Variants in ADAMTSL3 observed in about 807,000 individuals in gnomAD.
ADAMTSL3 encodes the protein ADAMTS-like protein 3.
In ADAMTSL3, 128 loss-of-function variants were observed where a neutral mutation model predicts 201.7. The observed-to-expected ratio is 0.63, with a 90% CI of 0.55 to 0.73. The LOEUF is 0.73. Ranked by LOEUF, ADAMTSL3 falls within the 30% of genes least tolerant of loss-of-function variation. The probability of loss-of-function intolerance (pLI) is 0.00; values close to 1 mark genes in which losing one functional copy is unlikely to be tolerated. For synonymous variants in ADAMTSL3, 738 were observed against 748.4 expected, an observed-to-expected ratio of 0.99 and a Z score of 0.23; for missense variants, 1,990 against 2,119.6, an observed-to-expected ratio of 0.94 and a Z score of 1.20.
Position 83,906,618 on chromosome 15 carries a change from CACACCA to C in ADAMTSL3, c.1701-6473_1701-6468del, listed in dbSNP as rs1567227915. ...GTATCTATATATTTATATAGTGCCA[CACACCA>C]CACACACACACACACACACACACAC... On this transcript the variant is annotated intron_variant, in intron 15 of 29. Transcript: ENST00000286744. Among the ~76,000 whole-genome samples the C allele has an allele frequency of 7.8e-4, 20 of 25,616 alleles. 1 individual carries two copies. In the East Asian group the frequency reaches 0.027, roughly 35 times the overall value. The allele number at this position is 25,616 out of a possible 152,430, so 16.8% of individuals were successfully genotyped here.
chr15:83,917,711 A>G (rs8024628), intron 16 of ADAMTSL3, among the ~76,000 whole-genome samples: 94,779 of 151,382 alleles, frequency 0.63, 30,721 homozygotes, highest in African/African-American at 0.79. Flanking sequence ...GAGTATATAT[A>G]TGGACATTTG....
intron 4 of ADAMTSL3, among the ~76,000 whole-genome samples, chr15:83,792,124 C>T (rs1275766965): frequency 1.2e-4 from 19 of 152,056 alleles, no homozygotes; most frequent in Admixed American, 1.1e-3. Flanking sequence ...TATGCATCTG[C>T]CATGGGGTTA....
chr15:83,871,655 T>C lies in ADAMTSL3; in HGVS notation c.960+696T>C, dbSNP rs139451186. Among the ~76,000 whole-genome samples, 527 of 152,314 alleles carry C rather than the reference T, an allele frequency of 3.5e-3. 3 individuals carry two copies. The highest frequency in any genetic ancestry group is 0.012 in the African/African-American group (499 of 41,580). On this transcript the variant is annotated intron_variant, in intron 9 of 29. Coordinates refer to ENST00000286744, the MANE Select transcript of ADAMTSL3 (RefSeq NM_207517.3). ...GAAGAACTCTTCTTCTCTGGAACCATGAGCCTGTGTCCCCTCTCTGGATAC... is the reference window on the plus strand; with the variant it reads ...GAAGAACTCTTCTTCTCTGGAACCACGAGCCTGTGTCCCCTCTCTGGATAC...
chr15:83,804,803 G>T, intron 5 of ADAMTSL3, 108 bp downstream of exon 5: 1 of 752,756 alleles, frequency 1.3e-6, no homozygotes. Flanking sequence ...ACCCTTTGTG[G>T]AAAACTTAAG....
chr15:83,841,791 C>G (rs2064380616), intron 7 of ADAMTSL3, among the ~76,000 whole-genome samples: 1 of 151,852 alleles, frequency 6.6e-6, no homozygotes, highest in Non-Finnish European at 1.5e-5. Context: ...TTGCATTTTC[C>G]AAGGCCACTC....
chr15:83,940,013 T>C (rs2066527442), intron 17 of ADAMTSL3, among the ~76,000 whole-genome samples: 1 of 152,230 alleles, frequency 6.6e-6, no homozygotes, highest in Non-Finnish European at 1.5e-5. Flanking sequence ...ATGTAATTGC[T>C]ATTCTTTTTT....
chr15:83,971,451 A>C (rs1008553958), intron 20 of ADAMTSL3, among the ~76,000 whole-genome samples: 3 of 150,244 alleles, frequency 2.0e-5, no homozygotes, highest in East Asian at 2.0e-4. Context: ...CAGCTACTCG[A>C]GAGGCTGAGG....
In ADAMTSL3 at chr15:83,923,911, A is replaced by G. The variant is rs1463557235; in HGVS notation, c.1995A>G (p.Gln665=). 3 of 1,613,802 alleles carry G rather than the reference A, an allele frequency of 1.9e-6. No homozygotes were observed. The highest frequency in any genetic ancestry group is 1.7e-6 in the Non-Finnish European group (2 of 1,179,932). The change falls in exon 17 of 30, where the codon CAA becomes CAG. Residue 665 remains glutamine, a synonymous_variant. Coordinates refer to ENST00000286744, the MANE Select transcript of ADAMTSL3 (RefSeq NM_207517.3). ...CCTCTTTCTAACCTGCAGGCCATCA[A>G]GAAGCCATAGCAGTGTGCTTACATA... ...PCTATCVGGH[Q]EAIAVCLHIQ... is the part of the protein sequence containing the mutation.
At chr15:83,950,734 G>T (rs1413356283) in intron 19 of ADAMTSL3, among the ~76,000 whole-genome samples, 1 of 151,814 alleles carries the variant, frequency 6.6e-6, no homozygotes, top group Non-Finnish European at 1.5e-5. Flanking sequence ...TGGTTAAGTT[G>T]ATTACTTGGT....
At chr15:83,941,079 ATT>A (rs575297195) in intron 17 of ADAMTSL3, among the ~76,000 whole-genome samples, 1 of 151,450 alleles carries the variant, frequency 6.6e-6, no homozygotes, top group Non-Finnish European at 1.5e-5. Flanking sequence ...AAATTTTTTA[ATT>A]TTTTTTGTCC....
At chr15:83,917,439 G>C (rs2066055163) in intron 16 of ADAMTSL3, among the ~76,000 whole-genome samples, 1 of 152,020 alleles carries the variant, frequency 6.6e-6, no homozygotes, top group East Asian at 1.9e-4. Context: ...ATGTATGTAT[G>C]TATGTATGTA....
At chr15:83,778,140 A>T (rs1019923514) in intron 4 of ADAMTSL3, among the ~76,000 whole-genome samples, 3 of 152,208 alleles carry the variant, frequency 2.0e-5, no homozygotes, top group Non-Finnish European at 4.4e-5. Flanking sequence ...CAAATCCATG[A>T]CTTACTGGTG....
intron 17 of ADAMTSL3, among the ~76,000 whole-genome samples, chr15:83,931,976 C>G (rs1367121155): frequency 6.6e-6 from 1 of 152,090 alleles, no homozygotes; most frequent in African/African-American, 2.4e-5. Context: ...TCAAGAGAAA[C>G]AAATGAAAAT....
intron 20 of ADAMTSL3, among the ~76,000 whole-genome samples, chr15:83,972,160 C>T (rs1169898362): frequency 6.6e-6 from 1 of 152,080 alleles, no homozygotes; most frequent in Non-Finnish European, 1.5e-5. Context: ...AGGCATGAGA[C>T]TTGCCTAAGG....
At chr15:83,757,975 A>G (rs1449948591) in intron 3 of ADAMTSL3, among the ~76,000 whole-genome samples, 2 of 152,164 alleles carry the variant, frequency 1.3e-5, no homozygotes, top group African/African-American at 4.8e-5. Context: ...CCTAGATTTC[A>G]TTGTCCATAT....
chr15:83,811,935 G>A (rs1014554795), intron 5 of ADAMTSL3, among the ~76,000 whole-genome samples: 2 of 152,136 alleles, frequency 1.3e-5, no homozygotes, highest in Non-Finnish European at 2.9e-5. Context: ...AGCTGTGCAC[G>A]CCCAAGCTGT....
intron 22 of ADAMTSL3, among the ~76,000 whole-genome samples, chr15:83,989,835 T>C (rs2067551580): frequency 6.6e-6 from 1 of 152,270 alleles, no homozygotes; most frequent in African/African-American, 2.4e-5. Flanking sequence ...ATGCAAATTT[T>C]ATACATGTAT....
chr15:83,716,073 G>C (rs1416255949), intron 3 of ADAMTSL3, among the ~76,000 whole-genome samples: 1 of 152,214 alleles, frequency 6.6e-6, no homozygotes, highest in African/African-American at 2.4e-5. Context: ...GTTGGAGTCA[G>C]AACAATCTAG....
chr15:83,715,802 G>T (rs924304365), intron 3 of ADAMTSL3, among the ~76,000 whole-genome samples: 1 of 152,110 alleles, frequency 6.6e-6, no homozygotes, highest in South Asian at 2.1e-4. Context: ...ATTTCTCTCT[G>T]TGTGCCCTGT....
Sources: gnomAD v4.1 joint callset for allele counts (sites outside exome capture counted in the v4.1 genomes callset) on GRCh38, gnomAD v4.1.1 for gene constraint, MANE v1.5 for transcripts, NCBI Gene and HGNC (gene_info 2026-07-23, HGNC 2026-07-21) for gene names.